Variants in FAM133B observed in about 807,000 individuals in gnomAD.
FAM133B encodes protein FAM133B.
Under a neutral mutation model 46.4 loss-of-function variants are expected in FAM133B, and 25 were observed. The ratio of observed to expected loss-of-function variants is 0.54; its 90% CI spans 0.39 to 0.75. The LOEUF is 0.75. Among genes scored for constraint, FAM133B ranks in the 30% least tolerant of loss-of-function variants. The pLI is 0.00. For synonymous variants in FAM133B, 75 were observed against 86.0 expected (o/e 0.87, Z 0.71); for missense variants, 205 against 277.6 (o/e 0.74, Z 1.86).
At chr7:92,573,528 T>C (rs1021630220) in intron 8 of FAM133B, among the ~76,000 whole-genome samples, 2 of 152,058 alleles carry the variant, frequency 1.3e-5, no homozygotes, top group Non-Finnish European at 2.9e-5. Context: ...TAATTCTAAC[T>C]GGTAAATATA....
chr7:92,588,134 T>A (rs1368107675), intron 1 of FAM133B, among the ~76,000 whole-genome samples: 1 of 152,190 alleles, frequency 6.6e-6, no homozygotes, highest in Non-Finnish European at 1.5e-5. Context: ...AATTTCTTGT[T>A]CTTAATCCCA....
At chr7:92,573,769 A>C (rs568235374) in intron 8 of FAM133B, among the ~76,000 whole-genome samples, 1 of 152,118 alleles carries the variant, frequency 6.6e-6, no homozygotes, top group East Asian at 1.9e-4. Context: ...AAATAATCAT[A>C]TGGTTTCTTT....
At chr7:92,582,293 C>CATAACATAACATAACATAACATAA (rs1554390068) in intron 1 of FAM133B, among the ~76,000 whole-genome samples, 3,959 of 140,696 alleles carry the variant, frequency 0.028, 59 homozygotes, top group East Asian at 0.053. Context: ...CATAACATAA[C>CATAACATAACATAACATAACATAA]ATAACATAAA....
intron 8 of FAM133B, among the ~76,000 whole-genome samples, chr7:92,573,154 G>C (rs1794586328): frequency 6.9e-6 from 1 of 144,870 alleles, no homozygotes; most frequent in African/African-American, 2.5e-5. Flanking sequence ...AAAAATGATA[G>C]TTTGGGGACT....
At chr7:92,568,259 G>T (rs1182184553) in intron 9 of FAM133B, among the ~76,000 whole-genome samples, 2 of 152,000 alleles carry the variant, frequency 1.3e-5, no homozygotes, top group Non-Finnish European at 2.9e-5. Flanking sequence ...AAGATATACT[G>T]TAATGCCACT....
intron 8 of FAM133B, among the ~76,000 whole-genome samples, chr7:92,571,575 T>C (rs573302152): frequency 6.6e-6 from 1 of 152,308 alleles, no homozygotes; most frequent in Non-Finnish European, 1.5e-5. Context: ...TCTAGTTGCA[T>C]TTTCATACAT....
At position 92,567,570 on chromosome 7, in the gene FAM133B, T is replaced by G. The variant is rs542412523; in HGVS notation, c.610-1509A>C. Among the ~76,000 whole-genome samples, 6 of 152,244 alleles carry G rather than the reference T, an allele frequency of 3.9e-5. No individual in the cohort carries two copies. The South Asian group carries it at 1.2e-3, about 32-fold the overall frequency. On this transcript the variant is annotated intron_variant, in intron 9 of 10. Transcript: ENST00000445716. ...TCACTAGCTCTCTTTACCGAGCACC[T>G]AGGAAACAATATTTTTATTGTTATT...
chr7:92,579,370 T>C lies in FAM133B; in HGVS notation c.148A>G (p.Lys50Glu), dbSNP rs767931287. 1.9e-6 allele frequency: 3 copies of C among 1,609,228 alleles called. No homozygotes were observed. The Admixed American group carries it at 5.1e-5, about 27-fold the overall frequency. Reference protein sequence around the residue: ...TWEEVKEQLEKKKKGSKALAE... With the variant: ...TWEEVKEQLEEKKKGSKALAE... Reference sequence around the variant, plus strand: ...AAAGCCTTGGAGCCTTTCTTTTTCTTTTCTAGTTGCTCTTTTACTTCTTCC... The same window carrying C: ...AAAGCCTTGGAGCCTTTCTTTTTCTCTTCTAGTTGCTCTTTTACTTCTTCC... The change falls in exon 3 of 11, where the codon AAG becomes GAG. Residue 50 changes from lysine to glutamate, a missense_variant. Lys to Glu is a moderately conservative substitution (Grantham distance 56). Coordinates refer to ENST00000445716, the MANE Select transcript of FAM133B (RefSeq NM_152789.4).
intron 10 of FAM133B, among the ~76,000 whole-genome samples, chr7:92,564,186 C>CT (rs892390326): frequency 8.5e-5 from 13 of 152,230 alleles, no homozygotes; most frequent in Non-Finnish European, 1.9e-4. Flanking sequence ...CTATAGGTCT[C>CT]TAAGAGCTCT....
intron 1 of FAM133B, among the ~76,000 whole-genome samples, chr7:92,589,335 C>T (rs1266435732): frequency 2.0e-5 from 3 of 152,198 alleles, no homozygotes; most frequent in Non-Finnish European, 4.4e-5. Flanking sequence ...CTCCCATCTC[C>T]GCTTCTCAAA....
chr7:92,566,315 G>T (rs1224184815), intron 9 of FAM133B, among the ~76,000 whole-genome samples: 1 of 151,990 alleles, frequency 6.6e-6, no homozygotes, highest in Non-Finnish European at 1.5e-5. Context: ...AAAAAATGTG[G>T]TACAGTGGAA....
At chr7:92,577,544 A>T in intron 6 of FAM133B, 111 bp downstream of exon 6, 2 of 857,048 alleles carry the variant, frequency 2.3e-6, no homozygotes, top group Non-Finnish European at 1.7e-6. Context: ...ATGGATAATT[A>T]ATCAAAACCT....
At chr7:92,564,431 G>T (rs1794262218) in intron 10 of FAM133B, among the ~76,000 whole-genome samples, 1 of 152,190 alleles carries the variant, frequency 6.6e-6, no homozygotes, top group African/African-American at 2.4e-5. Context: ...ATGAAACAGT[G>T]AAAGTATGCA....
intron 10 of FAM133B, among the ~76,000 whole-genome samples, chr7:92,563,191 AG>A (rs1472893993): frequency 6.6e-6 from 1 of 152,218 alleles, no homozygotes; most frequent in Non-Finnish European, 1.5e-5. Context: ...GTAACAGCAG[AG>A]CTTCCTATCC....
chr7:92,574,981 C>T (rs1794652213), intron 8 of FAM133B, among the ~76,000 whole-genome samples: 1 of 151,682 alleles, frequency 6.6e-6, no homozygotes, highest in South Asian at 2.1e-4. Flanking sequence ...TTATTACTGC[C>T]CTCTTTAGGT....
chr7:92,585,939 T>G (rs552096690), intron 1 of FAM133B, among the ~76,000 whole-genome samples: 4 of 152,192 alleles, frequency 2.6e-5, no homozygotes, highest in African/African-American at 9.7e-5. Flanking sequence ...TCACAGATAA[T>G]GCAGTGGCAA....
At chr7:92,562,497 TC>T in intron 10 of FAM133B, 129 bp from the exon 11 acceptor site, 1 of 1,307,450 alleles carries the variant, frequency 7.6e-7, no homozygotes, top group Non-Finnish European at 1.0e-6. Context: ...CTCAAAACAT[TC>T]CTCAAAAAGT....
At chr7:92,578,988 G>A (rs189679215) in intron 3 of FAM133B, among the ~76,000 whole-genome samples, 1 of 152,116 alleles carries the variant, frequency 6.6e-6, no homozygotes, top group Non-Finnish European at 1.5e-5. Flanking sequence ...TGGAATCCAA[G>A]TTATCTAAGT....
chr7:92,584,371 G>T (rs558202718), intron 1 of FAM133B, among the ~76,000 whole-genome samples: 1 of 152,290 alleles, frequency 6.6e-6, no homozygotes, highest in East Asian at 1.9e-4. Context: ...CTATGAAAAT[G>T]ACCATCATTT....
Sources: allele counts gnomAD v4.1 joint callset (sites outside exome capture counted in the v4.1 genomes callset), GRCh38; gene constraint gnomAD v4.1.1; transcripts MANE v1.5; gene names NCBI Gene and HGNC (gene_info 2026-07-23, HGNC 2026-07-21).